MYO18A: variants seen among roughly 807,000 people sequenced by gnomAD.
The protein encoded by MYO18A is myosin XVIIIA.
MYO18A carries 78 observed loss-of-function variants against 235.8 expected under a neutral mutation model. The observed-to-expected ratio is 0.33, with a 90% CI of 0.28 to 0.40. The LOEUF is 0.40. Among genes scored for constraint, MYO18A ranks in the 10% least tolerant of loss-of-function variants. The pLI is 1.00. For missense variants in MYO18A, 2,215 were observed against 2,699.3 expected (o/e 0.82, Z 3.98); for synonymous variants, 977 against 1,077.8 (o/e 0.91, Z 1.83).
intron 41 of MYO18A, among the ~76,000 whole-genome samples, chr17:29,079,086 A>G (rs2066054551): frequency 6.6e-6 from 1 of 152,160 alleles, no homozygotes; most frequent in African/African-American, 2.4e-5. Context: ...GGGAGAGCTA[A>G]GCAAAAGGCC....
chr17:29,115,103 G>T lies in MYO18A; in HGVS notation c.2319-4C>A. 1 of 1,610,672 alleles carries T rather than the reference G, an allele frequency of 6.2e-7. No individual in the cohort carries two copies. The highest frequency in any genetic ancestry group is 8.5e-7 in the Non-Finnish European group (1 of 1,177,992). ...GTGCTGGCTGGACTTGAGAGCCCTG[G>T]ATAGGGACAGCCTGGGTCAGAGCCT... is the stretch of plus-strand genomic sequence containing the variant. On this transcript the variant is annotated splice_polypyrimidine_tract_variant and splice_region_variant and intron_variant, in intron 13 of 41. Coordinates refer to ENST00000527372, the MANE Select transcript of MYO18A (RefSeq NM_078471.4).
At position 29,117,145 on chromosome 17, in the gene MYO18A, G is replaced by A. The variant is rs551249392; in HGVS notation, c.2039-690C>T. Among the ~76,000 whole-genome samples, 1 of 152,202 alleles carries A rather than the reference G, an allele frequency of 6.6e-6. No individual in the cohort carries two copies. Among genetic ancestry groups the A allele is most frequent in the South Asian group, 2.1e-4 (1 of 4,812 alleles). ...GCCAAAGCCCAAGGTGCTGTTCAGCGCCAGCATCCCCTTTCCCTAAACTGG... is the reference window on the plus strand; with the variant it reads ...GCCAAAGCCCAAGGTGCTGTTCAGCACCAGCATCCCCTTTCCCTAAACTGG... On this transcript the variant is annotated intron_variant, in intron 10 of 41. Coordinates refer to ENST00000527372, the MANE Select transcript of MYO18A (RefSeq NM_078471.4). The surrounding 1 kb of genome is among the most constrained non-coding windows in gnomAD (Gnocchi z 4.6).
intron 21 of MYO18A, among the ~76,000 whole-genome samples, chr17:29,100,840 T>A (rs1422902722): frequency 1.3e-5 from 2 of 152,186 alleles, no homozygotes; most frequent in Non-Finnish European, 2.9e-5. Flanking sequence ...GCCTAAACTT[T>A]CTGCTGAGAA....
chr17:29,121,670 G>A lies in MYO18A; in HGVS notation c.1248C>T (p.Leu416=), dbSNP rs1327590296. The change falls in exon 5 of 42, where the codon CTC becomes CTT. Residue 416 remains leucine, a synonymous_variant. Transcript: ENST00000527372. This position sits in a 1 kb window ranked among gnomAD's most constrained non-coding sequence, Gnocchi z 4.2. ...RLEDLASLVY[L]NESSVLHTLR... ...AGGTGTGCAGGACGCTGGACTCATT[G>A]AGGTACACCAGTGAGGCCAGATCCT... 1 of 1,565,488 alleles carries A rather than the reference G, an allele frequency of 6.4e-7. No individual in the cohort carries two copies. Among genetic ancestry groups the A allele is most frequent in the Non-Finnish European group, 8.7e-7 (1 of 1,155,064 alleles).
rs1330244017 is a variant in MYO18A, at chr17:29,120,355, G to A, written c.1728+261C>T. On this transcript the variant is annotated intron_variant, in intron 7 of 41. Transcript: ENST00000527372. The surrounding 1 kb of genome is among the most constrained non-coding windows in gnomAD (Gnocchi z 4.2). Reference sequence around the variant, plus strand: ...AAGTGGGAAGTAAGGCTGAGGCCCAGCAGTAGAGTTAGGACAACCCCAGGG... The same window carrying A: ...AAGTGGGAAGTAAGGCTGAGGCCCAACAGTAGAGTTAGGACAACCCCAGGG... 2.0e-5 allele frequency among the ~76,000 whole-genome samples: 3 copies of A among 152,226 alleles called. No individual in the cohort carries two copies.
chr17:29,093,688 C>T (rs1031221628), intron 31 of MYO18A, among the ~76,000 whole-genome samples: 2 of 152,100 alleles, frequency 1.3e-5, no homozygotes, highest in African/African-American at 2.4e-5. Context: ...GAGACCTGCC[C>T]GGCCAGGCTG....
intron 2 of MYO18A, among the ~76,000 whole-genome samples, chr17:29,135,314 G>C (rs1373213329): frequency 1.3e-5 from 2 of 152,066 alleles, no homozygotes; most frequent in Admixed American, 1.3e-4. Flanking sequence ...GTGTGAGCCA[G>C]GATGGTCTTC....
Position 29,130,474 on chromosome 17 carries a change from CCACACACACACACACACACACA to C in MYO18A, c.1000-8243_1000-8222del, listed in dbSNP as rs71135871. 6.1e-3 allele frequency among the ~76,000 whole-genome samples: 864 copies of C among 142,218 alleles called. 8 individuals are homozygous for C. Among genetic ancestry groups the C allele is most frequent in the Non-Finnish European group, 0.01 (653 of 65,074 alleles). 93.3% of individuals were successfully genotyped at this position (142,218 alleles called of 152,430 possible). ...ATTCTGGGCAACTCTGAGGCCTCTCCCACACACACACACACACACACACACACACACACACACACACACACAC... is the reference window on the plus strand; with the variant it reads ...ATTCTGGGCAACTCTGAGGCCTCTCCCACACACACACACACACACACACAC... On this transcript the variant is annotated intron_variant, in intron 2 of 41. Coordinates refer to ENST00000527372, the MANE Select transcript of MYO18A (RefSeq NM_078471.4).
chr17:29,146,290 AG>A (rs576615200), intron 2 of MYO18A, among the ~76,000 whole-genome samples: 2 of 152,262 alleles, frequency 1.3e-5, no homozygotes, highest in East Asian at 3.9e-4. Context: ...ATAAAATAAA[AG>A]GCAAAGAAGT....
Position 29,110,462 on chromosome 17 carries a change from G to C in MYO18A, c.3061C>G (p.Leu1021Val). 1.3e-6 allele frequency: 2 copies of C among 1,594,558 alleles called. No individual in the cohort carries two copies. Among genetic ancestry groups the C allele is most frequent in the Non-Finnish European group, 1.7e-6 (2 of 1,171,106 alleles). Residue 1021 changes from leucine to valine, a missense_variant, in exon 18 of 42, where the codon CTG becomes GTG. Physicochemically the swap from Leu to Val is conservative, Grantham distance 32. Transcript: ENST00000527372. ...TGMAAVKKKSLCIQMKLQVDA... is the reference protein window; with the variant it reads ...TGMAAVKKKSVCIQMKLQVDA... ...ACCTGTAGCTTCATCTGGATGCACA[G>C]TGACTTCTTTTTGACAGCCGCCATG...
Position 29,121,168 on chromosome 17 carries a change from G to GCA in MYO18A, c.1414_1415insTG (p.Pro472LeufsTer16), listed in dbSNP as rs1165195872. ...GGTCTGGGCCACTGCATAGATGTGG[G>GCA]GTGCCATGTCCTCCCGCCGACAACC... On this transcript the variant is annotated frameshift_variant, in exon 6 of 42. Coordinates refer to ENST00000527372, the MANE Select transcript of MYO18A (RefSeq NM_078471.4). LOFTEE classifies it high-confidence loss of function. This position sits in a 1 kb window ranked among gnomAD's most constrained non-coding sequence, Gnocchi z 4.2. 6.2e-7 allele frequency: 1 copy of GCA among 1,610,512 alleles called. No individual in the cohort carries two copies. Among genetic ancestry groups the GCA allele is most frequent in the Non-Finnish European group, 8.5e-7 (1 of 1,178,530 alleles).
In MYO18A at chr17:29,124,753, C is replaced by T. The variant is rs561638460; in HGVS notation, c.1000-2500G>A. The T allele has an allele frequency of 3.3e-6, 4 of 1,209,138 alleles. No homozygotes were observed. In the African/African-American group the frequency reaches 4.7e-5, roughly 14 times the overall value. 74.9% of individuals were successfully genotyped at this position (1,209,138 alleles called of 1,614,324 possible). A position where few individuals can be genotyped will look rare whatever the true frequency, so the allele number is the denominator to read the frequency against. ...GAAGATAAGCAGACCACTGGCACGC[C>T]CCCTTCAGCAAGTGCTCCTGAGTCA... On this transcript the variant is annotated intron_variant, in intron 2 of 41. Transcript: ENST00000527372.
intron 41 of MYO18A, chr17:29,081,086 GAACAA>G: frequency 4.1e-6 from 3 of 731,974 alleles, no homozygotes; most frequent in Non-Finnish European, 5.0e-6. Context: ...AGAGAGAGAG[GAACAA>G]GTATTAAACT....
At chr17:29,075,716 T>C (rs535720756) in intron 41 of MYO18A, 7 of 160,580 alleles carry the variant, frequency 4.4e-5, no homozygotes, top group Non-Finnish European at 8.8e-5. Context: ...CACAGCTCCA[T>C]TCACCTTCTC....
chr17:29,081,416 C>T (rs1412206281), intron 41 of MYO18A, among the ~76,000 whole-genome samples: 1 of 152,090 alleles, frequency 6.6e-6, no homozygotes, highest in East Asian at 1.9e-4. Flanking sequence ...ATAAATTAAA[C>T]CAATTAGAGG....
At chr17:29,077,766 G>C (rs540772814) in intron 41 of MYO18A, 1 of 152,400 alleles carries the variant, frequency 6.6e-6, no homozygotes, top group Non-Finnish European at 1.5e-5. Flanking sequence ...CTGGTTGTGG[G>C]GTCAAGGGTG....
In MYO18A at chr17:29,118,708, C is replaced by G. The variant is rs535007410; in HGVS notation, c.1830-268G>C. On this transcript the variant is annotated intron_variant, in intron 8 of 41. Coordinates refer to ENST00000527372, the MANE Select transcript of MYO18A (RefSeq NM_078471.4). This position sits in a 1 kb window ranked among gnomAD's most constrained non-coding sequence, Gnocchi z 4.2. ...CCCCGGAAGGGAGCAGGGAACCTGC[C>G]CGAAGGGTGAGTCCCGCCAAGGCAG... is the stretch of plus-strand genomic sequence containing the variant. 6.6e-6 allele frequency among the ~76,000 whole-genome samples: 1 copy of G among 152,344 alleles called. No homozygotes were observed. The highest frequency in any genetic ancestry group is 1.9e-4 in the East Asian group (1 of 5,190).
At chr17:29,178,408 C>T (rs575641201) in intron 1 of MYO18A, among the ~76,000 whole-genome samples, 1 of 149,410 alleles carries the variant, frequency 6.7e-6, no homozygotes, top group East Asian at 2.0e-4. Flanking sequence ...CCACCCTCCA[C>T]CCCCACCTAC....
rs1257237132 is a variant in MYO18A at position 29,165,949 on chromosome 17, G to A, written c.992C>T (p.Pro331Leu). 6.2e-7 allele frequency: 1 copy of A among 1,612,062 alleles called. No individual in the cohort carries two copies. Among genetic ancestry groups the A allele is most frequent in the Non-Finnish European group, 8.5e-7 (1 of 1,179,080 alleles). The change falls in exon 2 of 42, where the codon CCA becomes CTA. Residue 331 changes from proline (P) to leucine (L), a missense_variant. Coordinates refer to ENST00000527372, the MANE Select transcript of MYO18A (RefSeq NM_078471.4). ...GCCCAGGGAAGCACTCACATCGGAT[G>A]GCTCCCTGCGAGGTCCCTCGCCGCT... Reference protein sequence around the residue: ...LRSGEGPRREPSDAKTEEQIA... With the variant: ...LRSGEGPRRELSDAKTEEQIA...
Sources: allele counts gnomAD v4.1 joint callset (sites outside exome capture counted in the v4.1 genomes callset), GRCh38; gene constraint gnomAD v4.1.1; non-coding constraint Gnocchi (gnomAD v3.1); transcripts MANE v1.5; gene names NCBI Gene and HGNC (gene_info 2026-07-23, HGNC 2026-07-21).